CCSER1: variants seen among roughly 807,000 people sequenced by gnomAD.
CCSER1 encodes the protein coiled-coil serine rich protein 1.
Under a neutral mutation model 82.0 loss-of-function variants are expected in CCSER1, and 41 were observed. The ratio of observed to expected loss-of-function variants is 0.50; its 90% CI spans 0.39 to 0.65. CCSER1 has a LOEUF of 0.65. CCSER1 is among the 30% of genes least tolerant of loss of function. The probability of loss-of-function intolerance (pLI) is 0.00; values close to 1 mark genes in which losing one functional copy is unlikely to be tolerated. For missense variants in CCSER1, 1,119 were observed against 1,064.2 expected, an observed-to-expected ratio of 1.05 and a Z score of -0.72; for synonymous variants, 414 against 383.9, an observed-to-expected ratio of 1.08 and a Z score of -0.92.
intron 10 of CCSER1, among the ~76,000 whole-genome samples, chr4:91,586,475 G>T (rs1157309217): frequency 6.6e-6 from 1 of 151,648 alleles, no homozygotes; most frequent in African/African-American, 2.4e-5. Flanking sequence ...AGAGAAACAG[G>T]AGAGGCACCA....
At chr4:90,488,634 G>C (rs930661032) in intron 5 of CCSER1, among the ~76,000 whole-genome samples, 1 of 152,042 alleles carries the variant, frequency 6.6e-6, no homozygotes, top group Non-Finnish European at 1.5e-5. Flanking sequence ...TTTAAATGGT[G>C]GGAAATGAGA....
chr4:91,303,670 C>T (rs1389996157), intron 10 of CCSER1, among the ~76,000 whole-genome samples: 1 of 151,690 alleles, frequency 6.6e-6, no homozygotes, highest in Non-Finnish European at 1.5e-5. Context: ...TGGTGCATGC[C>T]TGTAATCCAG....
chr4:90,319,403 G>C (rs749507121), intron 3 of CCSER1, among the ~76,000 whole-genome samples: 1 of 152,102 alleles, frequency 6.6e-6, no homozygotes, highest in Non-Finnish European at 1.5e-5. Context: ...TGTAATCCCT[G>C]CAATTTGGGA....
At chr4:90,322,281 T>C (rs1392278147) in intron 3 of CCSER1, among the ~76,000 whole-genome samples, 1 of 152,192 alleles carries the variant, frequency 6.6e-6, no homozygotes, top group South Asian at 2.1e-4. Flanking sequence ...TGAAAATGAA[T>C]TCACTGTATA....
At chr4:90,845,084 C>T (rs554317962) in intron 8 of CCSER1, among the ~76,000 whole-genome samples, 12 of 152,104 alleles carry the variant, frequency 7.9e-5, no homozygotes, top group South Asian at 2.1e-4. Context: ...TTTGTTAGGC[C>T]GGGTGTGGTG....
intron 9 of CCSER1, among the ~76,000 whole-genome samples, chr4:90,962,875 C>T (rs1734184761): frequency 6.6e-6 from 1 of 151,904 alleles, no homozygotes; most frequent in Non-Finnish European, 1.5e-5. Context: ...ATGAAAAATT[C>T]TACTAGTCAC....
chr4:90,925,405 A>T, intron 9 of CCSER1, among the ~76,000 whole-genome samples: 1 of 152,186 alleles, frequency 6.6e-6, no homozygotes. Context: ...TATTTAAAGA[A>T]ACAATGTTTG....
intron 10 of CCSER1, among the ~76,000 whole-genome samples, chr4:91,187,544 G>T (rs866210681): frequency 0.014 from 2,094 of 150,846 alleles, 33 homozygotes; most frequent in African/African-American, 0.044. Flanking sequence ...CAATAAATTT[G>T]TTTTTTTTTT....
chr4:90,940,477 C>G (rs547318286), intron 9 of CCSER1, among the ~76,000 whole-genome samples: 1 of 151,572 alleles, frequency 6.6e-6, no homozygotes, highest in Non-Finnish European at 1.5e-5. Flanking sequence ...CCATTAGACT[C>G]TTAAAGTGTT....
At chr4:91,254,972 A>G (rs1740566216) in intron 10 of CCSER1, among the ~76,000 whole-genome samples, 1 of 152,064 alleles carries the variant, frequency 6.6e-6, no homozygotes, top group Non-Finnish European at 1.5e-5. Context: ...GATTTTTACT[A>G]CTGTGATTAC....
chr4:91,266,427 A>G (rs1741589203), intron 10 of CCSER1, among the ~76,000 whole-genome samples: 1 of 151,406 alleles, frequency 6.6e-6, no homozygotes, highest in Admixed American at 6.6e-5. Flanking sequence ...AATTTTTTGT[A>G]TTTTTAGTAG....
At chr4:91,350,944 A>G (rs1346096854) in intron 10 of CCSER1, among the ~76,000 whole-genome samples, 1 of 151,980 alleles carries the variant, frequency 6.6e-6, no homozygotes, top group Non-Finnish European at 1.5e-5. Context: ...ATTAAGCCCA[A>G]TAAAAAATTT....
intron 10 of CCSER1, among the ~76,000 whole-genome samples, chr4:91,470,153 G>T (rs535607404): frequency 1.9e-4 from 29 of 152,074 alleles, no homozygotes; most frequent in Non-Finnish European, 3.7e-4. Context: ...TTAATATTTT[G>T]TAAACTTGCT....
chr4:91,300,701 G>GA (rs1197749175), intron 10 of CCSER1, among the ~76,000 whole-genome samples: 10 of 151,308 alleles, frequency 6.6e-5, no homozygotes, highest in Non-Finnish European at 8.9e-5. Context: ...GCTGGCAACT[G>GA]AAAAAAAATG....
intron 9 of CCSER1, among the ~76,000 whole-genome samples, chr4:91,059,361 ATG>A (rs1220761880): frequency 7.2e-5 from 6 of 83,178 alleles, no homozygotes; most frequent in South Asian, 3.4e-4. Context: ...ACACGTGTGT[ATG>A]TGTGTGTGTG....
intron 6 of CCSER1, among the ~76,000 whole-genome samples, chr4:90,702,828 T>C (rs557329067): frequency 6.6e-6 from 1 of 152,334 alleles, no homozygotes; most frequent in African/African-American, 2.4e-5. Context: ...ATCACCTTTA[T>C]CATTTTTTAT....
At chr4:91,434,822 C>A (rs1197714521) in intron 10 of CCSER1, among the ~76,000 whole-genome samples, 3 of 152,162 alleles carry the variant, frequency 2.0e-5, no homozygotes, top group Non-Finnish European at 4.4e-5. Flanking sequence ...AGGAGCCATT[C>A]CAAGATTCCC....
chr4:90,545,640 A>C (rs115038166), intron 5 of CCSER1, among the ~76,000 whole-genome samples: 1,764 of 152,092 alleles, frequency 0.012, 32 homozygotes, highest in African/African-American at 0.04. Flanking sequence ...CCCCTCCCAA[A>C]TTCACTTTCC....
chr4:91,098,726 A>G (rs1724753177), intron 10 of CCSER1, among the ~76,000 whole-genome samples: 1 of 152,034 alleles, frequency 6.6e-6, no homozygotes, highest in Non-Finnish European at 1.5e-5. Context: ...TATTTTTAGT[A>G]GAGATGGGGT....
Sources: allele counts gnomAD v4.1 joint callset (sites outside exome capture counted in the v4.1 genomes callset), GRCh38; gene constraint gnomAD v4.1.1; transcripts MANE v1.5; gene names NCBI Gene and HGNC (gene_info 2026-07-23, HGNC 2026-07-21).